Variants in GRIN2A observed in about 807,000 individuals in gnomAD.
GRIN2A encodes glutamate receptor ionotropic, NMDA 2A.
Under a neutral mutation model 113.4 loss-of-function variants are expected in GRIN2A, and 22 were observed. The ratio of observed to expected loss-of-function variants is 0.19; its 90% CI spans 0.14 to 0.28. The LOEUF (loss-of-function observed/expected upper bound fraction) is 0.28. Ranked by LOEUF, GRIN2A falls within the 10% of genes least tolerant of loss-of-function variation. GRIN2A has a pLI of 1.00. For synonymous variants in GRIN2A, 827 were observed against 738.4 expected (o/e 1.12, Z -1.94); for missense variants, 1,502 against 1,887.0 (o/e 0.80, Z 3.78).
At chr16:10,011,778 G>A (rs913447650) in intron 2 of GRIN2A, among the ~76,000 whole-genome samples, 1 of 152,086 alleles carries the variant, frequency 6.6e-6, no homozygotes, top group Non-Finnish European at 1.5e-5. Context: ...GCGGGATGAC[G>A]TTCACCAAGC....
chr16:9,800,925 A>G (rs944890333), intron 10 of GRIN2A, among the ~76,000 whole-genome samples: 1 of 152,220 alleles, frequency 6.6e-6, no homozygotes, highest in African/African-American at 2.4e-5. Context: ...TAACTTGTGT[A>G]TAATGGGAGT....
At chr16:10,114,219 T>C (rs559356176) in intron 2 of GRIN2A, among the ~76,000 whole-genome samples, 43 of 152,070 alleles carry the variant, frequency 2.8e-4, no homozygotes, top group South Asian at 1.5e-3. Context: ...AAATAAATTT[T>C]AAAAAACAAA....
chr16:9,784,634 A>G (rs1475815916), intron 11 of GRIN2A, among the ~76,000 whole-genome samples: 1 of 152,112 alleles, frequency 6.6e-6, no homozygotes, highest in Non-Finnish European at 1.5e-5. Context: ...AAAAGAAACT[A>G]CCATCAGAGT....
At chr16:9,804,104 T>C (rs1385238104) in intron 10 of GRIN2A, among the ~76,000 whole-genome samples, 1 of 152,064 alleles carries the variant, frequency 6.6e-6, no homozygotes, top group Non-Finnish European at 1.5e-5. Flanking sequence ...TCGGAAGACA[T>C]GTAGGTATAG....
At chr16:10,155,462 T>C (rs565430034) in intron 2 of GRIN2A, among the ~76,000 whole-genome samples, 136 of 152,322 alleles carry the variant, frequency 8.9e-4, no homozygotes, top group African/African-American at 3.2e-3. Flanking sequence ...ATTTCACATC[T>C]GTATGATGGT....
chr16:10,092,835 A>G lies in GRIN2A; in HGVS notation c.414+87163T>C, dbSNP rs367694213. ...AAATCTCAAGGTATACATAAAAGAT[A>G]AGGTAAAAGGCAGCATGAAAAGTTG... On this transcript the variant is annotated intron_variant, in intron 2 of 12. Coordinates refer to ENST00000330684, the MANE Select transcript of GRIN2A (RefSeq NM_001134407.3). Among the ~76,000 whole-genome samples the G allele has an allele frequency of 1.4e-3, 208 of 149,584 alleles. 1 individual carries two copies. The highest frequency in any genetic ancestry group is 4.9e-3 in the African/African-American group (200 of 40,780).
At chr16:9,987,846 CGA>C (rs2046009171) in intron 2 of GRIN2A, among the ~76,000 whole-genome samples, 1 of 152,122 alleles carries the variant, frequency 6.6e-6, no homozygotes, top group African/African-American at 2.4e-5. Flanking sequence ...TAATACATTT[CGA>C]GAGTTTACTC....
In GRIN2A at chr16:9,895,175, C is replaced by T. The variant is rs1163981814; in HGVS notation, c.1008-4075G>A. On this transcript the variant is annotated intron_variant, in intron 3 of 12. Coordinates refer to ENST00000330684, the MANE Select transcript of GRIN2A (RefSeq NM_001134407.3). Reference sequence around the variant, plus strand: ...ATAAGTGTAAAAATAGAGATATGGACTAAGTTGTTGGAAAGCATAAGAGAA... The same window carrying T: ...ATAAGTGTAAAAATAGAGATATGGATTAAGTTGTTGGAAAGCATAAGAGAA... Among the ~76,000 whole-genome samples the T allele has an allele frequency of 3.9e-5, 6 of 152,214 alleles. No homozygotes were observed. The South Asian group carries it at 1.0e-3, about 26-fold the overall frequency.
At chr16:10,168,569 T>C (rs1755495936) in intron 2 of GRIN2A, among the ~76,000 whole-genome samples, 1 of 152,220 alleles carries the variant, frequency 6.6e-6, no homozygotes, top group Non-Finnish European at 1.5e-5. Flanking sequence ...AGCTCAATCA[T>C]ATCCTGATAT....
intron 2 of GRIN2A, 105 bp downstream of exon 2, chr16:10,179,893 C>CCCCAAAAAAAAAACA: frequency 1.4e-6 from 1 of 719,818 alleles, no homozygotes; most frequent in Non-Finnish European, 2.4e-6. Flanking sequence ...CCCCCACCCC[C>CCCCAAAAAAAAAACA]ACTTCACATC....
chr16:10,099,169 A>T (rs1038066325), intron 2 of GRIN2A, among the ~76,000 whole-genome samples: 3 of 152,196 alleles, frequency 2.0e-5, no homozygotes, highest in African/African-American at 7.2e-5. Context: ...TTAAAGGCTT[A>T]CAAAGGGCAT....
intron 4 of GRIN2A, among the ~76,000 whole-genome samples, chr16:9,875,508 T>TG: frequency 6.6e-6 from 1 of 152,234 alleles, no homozygotes. Flanking sequence ...AGCAGATTGC[T>TG]GGGGGGAGCA....
chr16:10,146,154 G>A (rs2049434755), intron 2 of GRIN2A, among the ~76,000 whole-genome samples: 1 of 152,064 alleles, frequency 6.6e-6, no homozygotes, highest in Non-Finnish European at 1.5e-5. Flanking sequence ...GTCTCGCTCT[G>A]TCGCCCAGAC....
chr16:9,775,362 G>GT (rs1028309572), intron 11 of GRIN2A, among the ~76,000 whole-genome samples: 10 of 151,994 alleles, frequency 6.6e-5, no homozygotes, highest in African/African-American at 9.6e-5. Context: ...GACTTCATTT[G>GT]TTTTTTTTCT....
At chr16:9,889,603 G>A (rs557720099) in intron 4 of GRIN2A, among the ~76,000 whole-genome samples, 1 of 152,082 alleles carries the variant, frequency 6.6e-6, no homozygotes, top group African/African-American at 2.4e-5. Flanking sequence ...TTAAAGCTAT[G>A]AATTTCTTAG....
At chr16:9,785,766 T>C (rs1043335878) in intron 11 of GRIN2A, among the ~76,000 whole-genome samples, 1 of 152,066 alleles carries the variant, frequency 6.6e-6, no homozygotes, top group African/African-American at 2.4e-5. Flanking sequence ...CCAGAAAGGA[T>C]GTAGAAATGC....
chr16:9,895,382 G>A (rs13336814), intron 3 of GRIN2A, among the ~76,000 whole-genome samples: 2,763 of 152,312 alleles, frequency 0.018, 93 homozygotes, highest in African/African-American at 0.063. Flanking sequence ...ATGAGCTGCC[G>A]TCAGTTCACA....
chr16:10,120,705 CTT>C (rs2048816391), intron 2 of GRIN2A, among the ~76,000 whole-genome samples: 1 of 152,302 alleles, frequency 6.6e-6, no homozygotes, highest in Admixed American at 6.5e-5. Context: ...CCTGCAATCT[CTT>C]TGTTTCCTTT....
At chr16:10,000,948 C>T (rs1285925073) in intron 2 of GRIN2A, among the ~76,000 whole-genome samples, 1 of 152,094 alleles carries the variant, frequency 6.6e-6, no homozygotes, top group Admixed American at 6.6e-5. Flanking sequence ...TCCTGCTTAC[C>T]ATGGCCATAA....
Sources: allele counts gnomAD v4.1 joint callset (sites outside exome capture counted in the v4.1 genomes callset), GRCh38; gene constraint gnomAD v4.1.1; transcripts MANE v1.5; gene names NCBI Gene and HGNC (gene_info 2026-07-23, HGNC 2026-07-21).